CNOT2: variants seen among roughly 807,000 people sequenced by gnomAD.
CNOT2 encodes the protein CCR4-NOT transcription complex subunit 2.
A neutral mutation model predicts 72.1 loss-of-function variants in CNOT2; 7 were observed. The ratio of observed to expected loss-of-function variants is 0.10; its 90% CI spans 0.06 to 0.18. The LOEUF is 0.18. CNOT2 is among the 10% of genes least tolerant of loss of function. CNOT2 has a pLI of 1.00. For missense variants in CNOT2, 345 were observed against 660.3 expected (o/e 0.52, Z 5.23); for synonymous variants, 196 against 225.6 (o/e 0.87, Z 1.17).
intron 2 of CNOT2, among the ~76,000 whole-genome samples, chr12:70,289,137 T>C (rs1871426556): frequency 6.6e-6 from 1 of 152,026 alleles, no homozygotes; most frequent in Non-Finnish European, 1.5e-5. Flanking sequence ...ATTTTTTTTC[T>C]AAGGCACTTC....
At chr12:70,305,189 G>A (rs765667180) in intron 2 of CNOT2, among the ~76,000 whole-genome samples, 1 of 152,218 alleles carries the variant, frequency 6.6e-6, no homozygotes, top group East Asian at 1.9e-4. Context: ...CGCACCCACT[G>A]TCCGGCACTG....
intron 1 of CNOT2, among the ~76,000 whole-genome samples, chr12:70,268,554 C>G (rs753851472): frequency 5.9e-5 from 9 of 152,020 alleles, no homozygotes; most frequent in Non-Finnish European, 1.2e-4. Context: ...TCAAGTGATC[C>G]TCCCACCTTA....
At chr12:70,248,135 T>C (rs528820450) in intron 1 of CNOT2, among the ~76,000 whole-genome samples, 1 of 152,298 alleles carries the variant, frequency 6.6e-6, no homozygotes, top group African/African-American at 2.4e-5. Flanking sequence ...TATTTTGTAT[T>C]TGTCTTTACA....
chr12:70,278,047 C>T, intron 1 of CNOT2, 85 bp from the exon 2 acceptor site: 1 of 489,202 alleles, frequency 2.0e-6, no homozygotes, highest in Non-Finnish European at 3.7e-6. Context: ...TTTTTGTTTT[C>T]TGTGTATCAT....
At chr12:70,351,299 GTAGA>G (rs968023794) in intron 15 of CNOT2, among the ~76,000 whole-genome samples, 1 of 152,148 alleles carries the variant, frequency 6.6e-6, no homozygotes, top group African/African-American at 2.4e-5. Flanking sequence ...AGTATACAAA[GTAGA>G]TAGACACTTG....
intron 7 of CNOT2, chr12:70,334,928 A>G (rs1429000343): frequency 6.5e-6 from 1 of 153,762 alleles, no homozygotes; most frequent in Non-Finnish European, 1.4e-5. Flanking sequence ...TTGTATATGA[A>G]AGCGGTCAAT....
chr12:70,280,808 T>C lies in CNOT2; in HGVS notation c.48+2534T>C, dbSNP rs116256288. On this transcript the variant is annotated intron_variant, in intron 2 of 15. Coordinates refer to ENST00000229195, the MANE Select transcript of CNOT2 (RefSeq NM_014515.7). ...ACTTTGTGTGTTTTCTTTCTTACTA[T>C]AAGTTTAAGCCCAGTTAGGTATTTG... Among the ~76,000 whole-genome samples, 492 of 152,308 alleles carry C rather than the reference T, an allele frequency of 3.2e-3. 3 individuals carry two copies. Among genetic ancestry groups the C allele is most frequent in the African/African-American group, 0.01 (431 of 41,572 alleles).
chr12:70,283,658 A>G (rs199969538), intron 2 of CNOT2, among the ~76,000 whole-genome samples: 8 of 138,754 alleles, frequency 5.8e-5, no homozygotes, highest in African/African-American at 5.0e-5. Flanking sequence ...AAAAAAAAAA[A>G]AAAAAAAAAG....
intron 6 of CNOT2, chr12:70,332,548 C>G (rs1217083712): frequency 1.6e-6 from 1 of 627,514 alleles, no homozygotes; most frequent in East Asian, 4.4e-5. Flanking sequence ...TGTTTTTTAA[C>G]TAATCTGCCT....
intron 15 of CNOT2, among the ~76,000 whole-genome samples, chr12:70,347,010 G>GAATATATTATTCTCTACATGTGGAGAAT (rs1882261772): frequency 6.6e-6 from 1 of 151,812 alleles, no homozygotes; most frequent in Admixed American, 6.6e-5. Flanking sequence ...CATGTGGAGA[G>GAATATATTATTCTCTACATGTGGAGAAT]AATATATTCT....
At position 70,338,559 on chromosome 12, in the gene CNOT2, T is replaced by A. The variant is rs751706506; in HGVS notation, c.1017T>A (p.Pro339=). 6.2e-7 allele frequency: 1 copy of A among 1,609,174 alleles called. No homozygotes were observed. Among genetic ancestry groups the A allele is most frequent in the Non-Finnish European group, 8.5e-7 (1 of 1,178,500 alleles). Residue 339 remains proline, a synonymous_variant, in exon 10 of 16, where the codon CCT becomes CCA. Coordinates refer to ENST00000229195, the MANE Select transcript of CNOT2 (RefSeq NM_014515.7). ...NQQKKGIQVL[P]DGRVTNIPQG... ...AGAAAAAAGGGATCCAGGTGTTACC[T>A]GATGGTGGGACTCTAGAAATCTATG...
In CNOT2 at chr12:70,330,345, A is replaced by G; in HGVS notation, c.445A>G (p.Ile149Val). The change falls in exon 6 of 16, where the codon ATT becomes GTT. Residue 149 changes from isoleucine (I) to valine (V), a missense_variant. This residue lies in a region of CNOT2 where 157 missense variants were observed against 235.3 expected (regional missense o/e 0.67). Transcript: ENST00000229195. The stretch of plus-strand genomic sequence containing the variant: ...GAACCACTCCCAGGTTGGTCAGGGC[A>G]TTGGAATTCCTAGCAGGACAAATAG... ...MMNHSQVGQGIGIPSRTNSMS... is the reference protein window; with the variant it reads ...MMNHSQVGQGVGIPSRTNSMS... 6.2e-7 allele frequency: 1 copy of G among 1,609,692 alleles called. No homozygotes were observed. Among genetic ancestry groups the G allele is most frequent in the Non-Finnish European group, 8.5e-7 (1 of 1,176,554 alleles).
chr12:70,314,837 CTTGTTTGTTTGT>C (rs112288569), intron 3 of CNOT2, among the ~76,000 whole-genome samples: 3 of 150,926 alleles, frequency 2.0e-5, no homozygotes, highest in African/African-American at 4.9e-5. Context: ...CTCTTTTGTT[CTTGTTTGTTTGT>C]TTGTTTGTTT....
At position 70,288,136 on chromosome 12, in the gene CNOT2, C is replaced by CTTTTTTTTTTTT. The variant is rs68143994; in HGVS notation, c.48+9875_48+9886dup. ...GGGTTATTACAATTATGGTGTAGCTCTTTTTTTTTTTTTTTTTTTTTTTTG... is the reference window on the plus strand; with the variant it reads ...GGGTTATTACAATTATGGTGTAGCTCTTTTTTTTTTTTTTTTTTTTTTTTTTTTTTTTTTTTG... On this transcript the variant is annotated intron_variant, in intron 2 of 15. Coordinates refer to ENST00000229195, the MANE Select transcript of CNOT2 (RefSeq NM_014515.7). Among the ~76,000 whole-genome samples, 31 of 86,704 alleles carry CTTTTTTTTTTTT rather than the reference C, an allele frequency of 3.6e-4. 4 individuals carry two copies. Among genetic ancestry groups the CTTTTTTTTTTTT allele is most frequent in the Non-Finnish European group, 5.5e-4 (25 of 45,748 alleles). 56.9% of individuals were successfully genotyped at this position (86,704 alleles called of 152,430 possible).
At chr12:70,327,042 T>A (rs1225353424) in intron 4 of CNOT2, among the ~76,000 whole-genome samples, 1 of 151,818 alleles carries the variant, frequency 6.6e-6, no homozygotes, top group African/African-American at 2.4e-5. Flanking sequence ...ATTCCTGAAA[T>A]GATAAATTTT....
At chr12:70,314,398 T>C (rs1446925804) in intron 3 of CNOT2, among the ~76,000 whole-genome samples, 1 of 152,160 alleles carries the variant, frequency 6.6e-6, no homozygotes, top group Admixed American at 6.6e-5. Flanking sequence ...AGGATTTTTT[T>C]TTTTTAAGTG....
chr12:70,308,552 A>ATT (rs397836786), intron 2 of CNOT2, among the ~76,000 whole-genome samples: 15 of 121,948 alleles, frequency 1.2e-4, no homozygotes, highest in Admixed American at 8.0e-4. Context: ...AGTTTGGTAT[A>ATT]TTTTCTCTCT....
At chr12:70,277,328 G>A (rs1869009066) in intron 1 of CNOT2, among the ~76,000 whole-genome samples, 1 of 152,098 alleles carries the variant, frequency 6.6e-6, no homozygotes, top group Non-Finnish European at 1.5e-5. Flanking sequence ...AGCATTTCTT[G>A]TGACTGTCAC....
chr12:70,261,724 A>G (rs561891629), intron 1 of CNOT2, among the ~76,000 whole-genome samples: 73 of 152,212 alleles, frequency 4.8e-4, no homozygotes, highest in African/African-American at 1.7e-3. Flanking sequence ...TGAATTAGGA[A>G]ATGTTCCAGG....
Sources: gnomAD v4.1 joint callset for allele counts (sites outside exome capture counted in the v4.1 genomes callset) on GRCh38, gnomAD v4.1.1 for gene constraint, gnomAD v4.1.1 regional missense constraint, MANE v1.5 for transcripts, NCBI Gene and HGNC (gene_info 2026-07-23, HGNC 2026-07-21) for gene names.